Variants in FAM171A1 observed in about 807,000 individuals in gnomAD.
FAM171A1 encodes protein FAM171A1.
FAM171A1 carries 23 observed loss-of-function variants against 74.9 expected under a neutral mutation model. The ratio of observed to expected loss-of-function variants is 0.31; its 90% confidence interval spans 0.22 to 0.44. The LOEUF (loss-of-function observed/expected upper bound fraction) is 0.44, where lower values mean the gene tolerates loss of function less well. Among genes scored for constraint, FAM171A1 ranks in the 20% least tolerant of loss-of-function variants. FAM171A1 has a pLI of 1.00. For missense variants in FAM171A1, 1,162 were observed against 1,159.2 expected (o/e 1.00, Z -0.03); for synonymous variants, 527 against 505.7 (o/e 1.04, Z -0.57).
At chr10:15,263,874 TC>T (rs1834700810) in intron 3 of FAM171A1, among the ~76,000 whole-genome samples, 3 of 151,246 alleles carry the variant, frequency 2.0e-5, no homozygotes, top group Non-Finnish European at 2.9e-5. Context: ...TATCTATCTA[TC>T]TATCTATCTA....
intron 6 of FAM171A1, among the ~76,000 whole-genome samples, chr10:15,220,309 G>C (rs377478843): frequency 1.3e-5 from 2 of 151,960 alleles, no homozygotes; most frequent in African/African-American, 4.8e-5. Flanking sequence ...AGCAACAGAA[G>C]CTATCACTGG....
At position 15,258,059 on chromosome 10, in the gene FAM171A1, T is replaced by C. The variant is rs531505893; in HGVS notation, c.419-3180A>G. On this transcript the variant is annotated intron_variant, in intron 3 of 7. Transcript: ENST00000378116. The stretch of plus-strand genomic sequence containing the variant: ...TCGCTGCATTTCTTTCTTTTCTCTT[T>C]TTCTTTTTCTTTTTTTTCTCAGAGA... 4.6e-5 allele frequency among the ~76,000 whole-genome samples: 7 copies of C among 152,188 alleles called. No homozygotes were observed. In the South Asian group the frequency reaches 1.5e-3, roughly 32 times the overall value.
At chr10:15,246,616 G>A (rs1369608349) in intron 5 of FAM171A1, among the ~76,000 whole-genome samples, 4 of 152,176 alleles carry the variant, frequency 2.6e-5, no homozygotes, top group Non-Finnish European at 4.4e-5. Context: ...CTGCCTCCCA[G>A]GTTCAAGGGA....
At position 15,371,041 on chromosome 10, in the gene FAM171A1, G is replaced by A; in HGVS notation, c.12C>T (p.Ser4=). The A allele has an allele frequency of 1.8e-6, 2 of 1,139,140 alleles. No homozygotes were observed. Among genetic ancestry groups the A allele is most frequent in the Non-Finnish European group, 1.1e-6 (1 of 908,998 alleles). The allele number at this position is 1,139,140 out of a possible 1,614,324, so 70.6% of individuals were successfully genotyped here. MSR[S]ATLLLCLLGC... ...CCAGCAGGCACAGCAGCAGCGTCGC[G>A]GACCTGCTCATCTCCGCCGCGGGGC... The change falls in exon 1 of 8, where the codon TCC becomes TCT. Residue 4 remains serine (S), a synonymous_variant. Coordinates refer to ENST00000378116, the MANE Select transcript of FAM171A1 (RefSeq NM_001010924.2).
At chr10:15,249,924 T>C (rs1408020368) in intron 4 of FAM171A1, among the ~76,000 whole-genome samples, 1 of 152,248 alleles carries the variant, frequency 6.6e-6, no homozygotes, top group Non-Finnish European at 1.5e-5. Flanking sequence ...CATATTTCTT[T>C]GAGCACAATG....
intron 1 of FAM171A1, among the ~76,000 whole-genome samples, chr10:15,324,127 C>A (rs1216066292): frequency 6.6e-6 from 1 of 152,200 alleles, no homozygotes; most frequent in Non-Finnish European, 1.5e-5. Context: ...ACCTCCACCC[C>A]AGCACGTGTA....
At chr10:15,368,622 T>C (rs952414749) in intron 1 of FAM171A1, among the ~76,000 whole-genome samples, 1 of 152,236 alleles carries the variant, frequency 6.6e-6, no homozygotes, top group Non-Finnish European at 1.5e-5. Flanking sequence ...CGTTATGGTG[T>C]AGGTATTAGC....
chr10:15,228,583 A>C (rs778335507), intron 5 of FAM171A1, among the ~76,000 whole-genome samples: 27 of 152,192 alleles, frequency 1.8e-4, no homozygotes, highest in Non-Finnish European at 3.7e-4. Context: ...GGCTCAAGTG[A>C]TCCTCCTCCT....
intron 3 of FAM171A1, among the ~76,000 whole-genome samples, chr10:15,256,146 C>T (rs960493101): frequency 6.6e-6 from 1 of 152,204 alleles, no homozygotes; most frequent in Admixed American, 6.5e-5. Flanking sequence ...TCCCGGCCCC[C>T]TGCTGTCCTG....
At chr10:15,367,857 A>G (rs1472586625) in intron 1 of FAM171A1, among the ~76,000 whole-genome samples, 2 of 152,228 alleles carry the variant, frequency 1.3e-5, no homozygotes, top group East Asian at 1.9e-4. Flanking sequence ...CTGAGCATGA[A>G]GTTCTTAACC....
intron 1 of FAM171A1, among the ~76,000 whole-genome samples, chr10:15,341,541 G>A (rs1420853382): frequency 6.6e-6 from 1 of 152,104 alleles, no homozygotes; most frequent in Non-Finnish European, 1.5e-5. Flanking sequence ...TCGGATCCAT[G>A]GAATTATTTA....
At chr10:15,223,463 A>G (rs925998828) in intron 5 of FAM171A1, among the ~76,000 whole-genome samples, 4 of 152,254 alleles carry the variant, frequency 2.6e-5, no homozygotes, top group Non-Finnish European at 4.4e-5. Flanking sequence ...GTTAGGCTAA[A>G]CGGGACCCAG....
chr10:15,311,723 G>A (rs11597009), intron 1 of FAM171A1, among the ~76,000 whole-genome samples: 37,789 of 151,948 alleles, frequency 0.25, 4,887 homozygotes, highest in Admixed American at 0.28. Context: ...TAAAGAAGGC[G>A]GCATCACGTT....
At chr10:15,335,554 A>G (rs1207705607) in intron 1 of FAM171A1, among the ~76,000 whole-genome samples, 4 of 152,224 alleles carry the variant, frequency 2.6e-5, no homozygotes, top group Non-Finnish European at 4.4e-5. Context: ...GGAGATTATT[A>G]AATTTTAAAC....
Position 15,276,215 on chromosome 10 carries a change from C to T in FAM171A1, c.326-268G>A, listed in dbSNP as rs985992639. On this transcript the variant is annotated intron_variant, in intron 2 of 7. Transcript: ENST00000378116. ...TTCTTTTTTCTGAGACGGACTCTCG[C>T]TTGTCACCAGGCTGGAATGCAGTGG... is the stretch of plus-strand genomic sequence containing the variant. Among the ~76,000 whole-genome samples, 3 of 151,776 alleles carry T rather than the reference C, an allele frequency of 2.0e-5. No homozygotes were observed. In the East Asian group the frequency reaches 5.8e-4, roughly 29 times the overall value.
At chr10:15,343,655 A>G (rs1835789638) in intron 1 of FAM171A1, among the ~76,000 whole-genome samples, 1 of 152,076 alleles carries the variant, frequency 6.6e-6, no homozygotes, top group African/African-American at 2.4e-5. Flanking sequence ...GTGAGGATAT[A>G]TGTCATCCGT....
chr10:15,352,486 G>A (rs1835891272), intron 1 of FAM171A1, among the ~76,000 whole-genome samples: 1 of 152,174 alleles, frequency 6.6e-6, no homozygotes, highest in South Asian at 2.1e-4. Flanking sequence ...TGGCATTTAT[G>A]AAGCACTTTA....
At chr10:15,288,437 G>A (rs1835064301) in intron 1 of FAM171A1, among the ~76,000 whole-genome samples, 1 of 152,102 alleles carries the variant, frequency 6.6e-6, no homozygotes, top group Non-Finnish European at 1.5e-5. Context: ...CCAGTGTGTA[G>A]TCTTTACCTA....
At position 15,305,842 on chromosome 10, in the gene FAM171A1, T is replaced by C. The variant is rs572537525; in HGVS notation, c.98-21737A>G. Among the ~76,000 whole-genome samples the C allele has an allele frequency of 2.0e-5, 3 of 152,212 alleles. No homozygotes were observed. The South Asian group carries it at 6.2e-4, about 32-fold the overall frequency. Reference sequence around the variant, plus strand: ...TGAACCCATGGTGAAAGTCCAGCCCTAAAATCGGAGAAAGGCTTGCTGGTG... The same window carrying C: ...TGAACCCATGGTGAAAGTCCAGCCCCAAAATCGGAGAAAGGCTTGCTGGTG... On this transcript the variant is annotated intron_variant, in intron 1 of 7. Transcript: ENST00000378116.
Sources: gnomAD v4.1 joint callset for allele counts (sites outside exome capture counted in the v4.1 genomes callset) on GRCh38, gnomAD v4.1.1 for gene constraint, MANE v1.5 for transcripts, NCBI Gene and HGNC (gene_info 2026-07-23, HGNC 2026-07-21) for gene names.